Variants in P2RY14 observed in about 807,000 individuals in gnomAD.
The protein encoded by P2RY14 is P2Y purinoceptor 14.
In P2RY14, 2 loss-of-function variants were observed where a neutral mutation model predicts 0.9. The ratio of observed to expected loss-of-function variants is 2.16; its 90% CI spans 0.88 to 6.79. The LOEUF is 6.79. P2RY14 is among the 30% of genes most tolerant of loss of function. The probability of loss-of-function intolerance (pLI) is 0.05; values close to 1 mark genes in which losing one functional copy is unlikely to be tolerated. For synonymous variants in P2RY14, 158 were observed against 147.2 expected (o/e 1.07, Z -0.53); for missense variants, 378 against 400.1 (o/e 0.94, Z 0.47).
chr3:151,214,219 A>G lies in P2RY14; in HGVS notation c.98T>C (p.Phe33Ser). Reference protein sequence around the residue: ...QIIPVLYCMVFIAGILLNGVS... With the variant: ...QIIPVLYCMVSIAGILLNGVS... ...TCCATTGAGTAGGATTCCTGCAATG[A>G]AGACCATACAGTACAGCACAGGAAT... The change falls in exon 3 of 3, where the codon TTC (phenylalanine) becomes TCC (serine). Residue 33 changes from phenylalanine to serine, a missense_variant. Coordinates refer to ENST00000309170, the MANE Select transcript of P2RY14 (RefSeq NM_014879.4). 6.2e-7 allele frequency: 1 copy of G among 1,613,996 alleles called. No individual in the cohort carries two copies.
intron 1 of P2RY14, among the ~76,000 whole-genome samples, chr3:151,237,048 T>C (rs1732967763): frequency 6.7e-6 from 1 of 148,672 alleles, no homozygotes; most frequent in South Asian, 2.1e-4. Flanking sequence ...TGCCAAACTT[T>C]TTTTTTTTTT....
chr3:151,229,340 C>T lies in P2RY14; in HGVS notation c.-132-9698G>A, dbSNP rs570525108. Among the ~76,000 whole-genome samples the T allele has an allele frequency of 5.3e-5, 7 of 131,368 alleles. No homozygotes were observed. The South Asian group carries it at 1.7e-3, about 33-fold the overall frequency. The allele number at this position is 131,368 out of a possible 152,430, so 86.2% of individuals were successfully genotyped here. A position where few individuals can be genotyped will look rare whatever the true frequency, so the allele number is the denominator to read the frequency against. ...TTTTTTTTTTTGAGATGGAGTCTTG[C>T]TCTGTTGCTCAGGCTGGAGGGCAGT... On this transcript the variant is annotated intron_variant, in intron 1 of 2. Transcript: ENST00000309170.
intron 1 of P2RY14, among the ~76,000 whole-genome samples, chr3:151,261,722 G>GT (rs112574531): frequency 7.1e-6 from 1 of 140,960 alleles, no homozygotes; most frequent in African/African-American, 2.7e-5. Context: ...GTTTTGTTTT[G>GT]TTTTTGTTGT....
chr3:151,235,884 CT>C (rs1222748675), intron 1 of P2RY14, among the ~76,000 whole-genome samples: 2 of 152,092 alleles, frequency 1.3e-5, no homozygotes, highest in African/African-American at 4.8e-5. Flanking sequence ...GCCATTCCCC[CT>C]ATGTCGCATT....
chr3:151,254,536 T>C (rs1737464448), intron 1 of P2RY14, among the ~76,000 whole-genome samples: 1 of 152,234 alleles, frequency 6.6e-6, no homozygotes. Flanking sequence ...TGTTAGCTGT[T>C]ATTATTTCAA....
intron 1 of P2RY14, among the ~76,000 whole-genome samples, chr3:151,238,675 C>T (rs549421506): frequency 1.5e-5 from 2 of 136,914 alleles, no homozygotes; most frequent in Non-Finnish European, 3.3e-5. Flanking sequence ...TTATACCTTA[C>T]TGACATACAA....
At chr3:151,260,330 A>G (rs981085194) in intron 1 of P2RY14, among the ~76,000 whole-genome samples, 3 of 152,106 alleles carry the variant, frequency 2.0e-5, no homozygotes, top group African/African-American at 7.2e-5. Flanking sequence ...GTCTACTAAT[A>G]TCTTTTAAAA....
chr3:151,275,735 T>C (rs1741743303), intron 1 of P2RY14, among the ~76,000 whole-genome samples: 1 of 152,198 alleles, frequency 6.6e-6, no homozygotes, highest in Non-Finnish European at 1.5e-5. Context: ...AAAGAGGGTT[T>C]TGGAGACCTG....
intron 1 of P2RY14, among the ~76,000 whole-genome samples, chr3:151,260,691 C>T (rs1328647464): frequency 6.6e-6 from 1 of 152,124 alleles, no homozygotes; most frequent in Non-Finnish European, 1.5e-5. Flanking sequence ...AAGTACAGCT[C>T]AATGCTGACC....
Position 151,213,495 on chromosome 3 carries a change from C to A in P2RY14, c.822G>T (p.Arg274=), listed in dbSNP as rs182884078. Residue 274 remains arginine, a synonymous_variant, in exon 3 of 3, where the codon CGG becomes CGT. Coordinates refer to ENST00000309170, the MANE Select transcript of P2RY14 (RefSeq NM_014879.4). ...GTAGCAGAGTGAATTCTTTCATATA[C>A]CGCAAGATTTCTTTTGACTGGCAGC... is the stretch of plus-strand genomic sequence containing the variant. The part of the protein sequence containing the change: ...HYSCQSKEIL[R]YMKEFTLLLS... 1 of 1,614,084 alleles carries A rather than the reference C, an allele frequency of 6.2e-7. No homozygotes were observed. Among genetic ancestry groups the A allele is most frequent in the East Asian group, 2.2e-5 (1 of 44,880 alleles).
chr3:151,213,112 C>T lies in P2RY14; in HGVS notation c.*188G>A. On this transcript the variant is annotated 3_prime_UTR_variant, in exon 3 of 3. Coordinates refer to ENST00000309170, the MANE Select transcript of P2RY14 (RefSeq NM_014879.4). ...AGAAAGGTCAGTATTAGAGAAATTACTGATGGGTATGTTTTCTTTGATGTT... is the reference window on the plus strand; with the variant it reads ...AGAAAGGTCAGTATTAGAGAAATTATTGATGGGTATGTTTTCTTTGATGTT... 1 of 471,756 alleles carries T rather than the reference C, an allele frequency of 2.1e-6. No homozygotes were observed. Among genetic ancestry groups the T allele is most frequent in the Non-Finnish European group, 3.7e-6 (1 of 269,884 alleles). 29.2% of individuals were successfully genotyped at this position (471,756 alleles called of 1,614,324 possible).
chr3:151,238,072 T>C (rs1456873551), intron 1 of P2RY14, among the ~76,000 whole-genome samples: 1 of 152,198 alleles, frequency 6.6e-6, no homozygotes, highest in Admixed American at 6.5e-5. Context: ...TTTTCTTTTC[T>C]AACTAGTGCT....
intron 1 of P2RY14, among the ~76,000 whole-genome samples, chr3:151,222,368 G>A (rs1022970300): frequency 2.6e-5 from 4 of 152,220 alleles, no homozygotes; most frequent in African/African-American, 9.6e-5. Flanking sequence ...GGAGCGGTCA[G>A]AGGTGGAATG....
chr3:151,248,890 C>G (rs570638376), intron 1 of P2RY14: 1 of 152,312 alleles, frequency 6.6e-6, no homozygotes, highest in Admixed American at 6.5e-5. Flanking sequence ...TTTAGGTTCT[C>G]TGTAGGCAAG....
chr3:151,242,068 G>T (rs1256572758), intron 1 of P2RY14, among the ~76,000 whole-genome samples: 2 of 152,184 alleles, frequency 1.3e-5, no homozygotes, highest in Non-Finnish European at 2.9e-5. Flanking sequence ...TTTCCGACGG[G>T]CTTAAAAAAC....
At chr3:151,251,316 C>T (rs1232264220) in intron 1 of P2RY14, among the ~76,000 whole-genome samples, 3 of 152,160 alleles carry the variant, frequency 2.0e-5, no homozygotes, top group Non-Finnish European at 2.9e-5. Context: ...ACCCATTACC[C>T]AAGCTGTCAA....
At chr3:151,273,084 C>A (rs2149567734) in intron 1 of P2RY14, among the ~76,000 whole-genome samples, 1 of 152,246 alleles carries the variant, frequency 6.6e-6, no homozygotes, top group East Asian at 1.9e-4. Context: ...TGAAACACTC[C>A]TGGTCCAAAG....
chr3:151,239,018 A>T lies in P2RY14; in HGVS notation c.-132-19376T>A, dbSNP rs142061045. 3.7e-3 allele frequency among the ~76,000 whole-genome samples: 557 copies of T among 152,344 alleles called. 1 individual carries two copies. Among genetic ancestry groups the T allele is most frequent in the African/African-American group, 0.013 (525 of 41,574 alleles). On this transcript the variant is annotated intron_variant, in intron 1 of 2. Transcript: ENST00000309170. The stretch of plus-strand genomic sequence containing the variant: ...GACAATGATAAAATTCAAGCTTTCA[A>T]ACTGAAAGCAGAATTTTGGAAAGCT...
At position 151,278,531 on chromosome 3, in the gene P2RY14, A is replaced by C. The variant is rs1742280652; in HGVS notation, c.-377T>G. 1 of 152,238 alleles carries C rather than the reference A, an allele frequency of 6.6e-6. No homozygotes were observed. Among genetic ancestry groups the C allele is most frequent in the African/African-American group, 2.4e-5 (1 of 41,454 alleles). The allele number at this position is 152,238 out of a possible 1,614,324, so 9.4% of individuals were successfully genotyped here. A position where few individuals can be genotyped will look rare whatever the true frequency, so the allele number is the denominator to read the frequency against. On this transcript the variant is annotated 5_prime_UTR_variant, in exon 1 of 3. Transcript: ENST00000309170. ...AGACGTTTTAATCTCTGTGGGTGTTAGGCTGACTTCTGAGCTAGTTCCTTT... is the reference window on the plus strand; with the variant it reads ...AGACGTTTTAATCTCTGTGGGTGTTCGGCTGACTTCTGAGCTAGTTCCTTT...
Sources: gnomAD v4.1 joint callset for allele counts (sites outside exome capture counted in the v4.1 genomes callset) on GRCh38, gnomAD v4.1.1 for gene constraint, MANE v1.5 for transcripts, NCBI Gene and HGNC (gene_info 2026-07-23, HGNC 2026-07-21) for gene names.